Variants in SEMA5A observed in about 807,000 individuals in gnomAD.
SEMA5A encodes the protein semaphorin 5A, also known as semaphorin-5A.
SEMA5A carries 55 observed loss-of-function variants against 135.5 expected under a neutral mutation model. That is an observed-to-expected ratio of 0.41 (90% confidence interval 0.33 to 0.51). The LOEUF is 0.51. SEMA5A is among the 20% of genes least tolerant of loss of function. The probability of loss-of-function intolerance (pLI) is 0.37; values close to 1 mark genes in which losing one functional copy is unlikely to be tolerated. For synonymous variants in SEMA5A, 580 were observed against 546.5 expected, an observed-to-expected ratio of 1.06 and a Z score of -0.85; for missense variants, 1,290 against 1,419.9, an observed-to-expected ratio of 0.91 and a Z score of 1.47.
intron 1 of SEMA5A, among the ~76,000 whole-genome samples, chr5:9,457,343 T>C (rs1355316607): frequency 1.3e-5 from 2 of 152,212 alleles, no homozygotes; most frequent in Non-Finnish European, 2.9e-5. Context: ...GGATATGTAT[T>C]TCTGTTGTTT....
At chr5:9,177,134 G>C (rs1194705817) in intron 11 of SEMA5A, among the ~76,000 whole-genome samples, 2 of 152,294 alleles carry the variant, frequency 1.3e-5, no homozygotes, top group African/African-American at 4.8e-5. Flanking sequence ...AGGAGCAGGA[G>C]CAGCAGTGAT....
intron 2 of SEMA5A, among the ~76,000 whole-genome samples, chr5:9,382,283 G>A (rs535795770): frequency 6.6e-6 from 1 of 152,164 alleles, no homozygotes; most frequent in South Asian, 2.1e-4. Flanking sequence ...CTAGGCAACA[G>A]AGCAAGACTT....
intron 5 of SEMA5A, among the ~76,000 whole-genome samples, chr5:9,304,252 T>C (rs1246804131): frequency 3.3e-5 from 5 of 152,120 alleles, no homozygotes; most frequent in African/African-American, 1.2e-4. Context: ...TAATTAACAC[T>C]TTCTCTTTGT....
chr5:9,446,754 C>T (rs1279573365), intron 1 of SEMA5A, among the ~76,000 whole-genome samples: 1 of 152,168 alleles, frequency 6.6e-6, no homozygotes, highest in Non-Finnish European at 1.5e-5. Flanking sequence ...AGATTTAACT[C>T]TAGATCTAAA....
chr5:9,415,246 C>T (rs144785427), intron 2 of SEMA5A, among the ~76,000 whole-genome samples: 84 of 152,292 alleles, frequency 5.5e-4, no homozygotes, highest in African/African-American at 2.0e-3. Flanking sequence ...AAGGAAAAAG[C>T]CTTTGGCCAA....
intron 16 of SEMA5A, among the ~76,000 whole-genome samples, chr5:9,099,307 C>G (rs1739495364): frequency 1.3e-5 from 2 of 152,164 alleles, no homozygotes; most frequent in Non-Finnish European, 1.5e-5. Context: ...CCTTTAACAA[C>G]ATGTGGCATT....
At chr5:9,369,285 C>T (rs1755038513) in intron 3 of SEMA5A, among the ~76,000 whole-genome samples, 1 of 152,168 alleles carries the variant, frequency 6.6e-6, no homozygotes, top group African/African-American at 2.4e-5. Context: ...AATATTCCCA[C>T]ACAGTGTATG....
chr5:9,459,589 C>A (rs1758979597), intron 1 of SEMA5A, among the ~76,000 whole-genome samples: 1 of 152,188 alleles, frequency 6.6e-6, no homozygotes, highest in Admixed American at 6.5e-5. Context: ...GAGATCCAAG[C>A]CCCAGTCAAC....
At chr5:9,436,006 G>A (rs1175139844) in intron 2 of SEMA5A, among the ~76,000 whole-genome samples, 1 of 152,178 alleles carries the variant, frequency 6.6e-6, no homozygotes, top group Non-Finnish European at 1.5e-5. Flanking sequence ...CTAAAAGGCA[G>A]TTTTCTGTAA....
intron 5 of SEMA5A, among the ~76,000 whole-genome samples, chr5:9,246,463 C>T (rs1283773989): frequency 1.3e-5 from 2 of 152,134 alleles, no homozygotes; most frequent in African/African-American, 2.4e-5. Context: ...TTATATCTTA[C>T]ATCACATGGA....
Position 9,284,038 on chromosome 5 carries a change from T to C in SEMA5A, c.270+34334A>G, listed in dbSNP as rs1750673146. Among the ~76,000 whole-genome samples, 3 of 151,242 alleles carry C rather than the reference T, an allele frequency of 2.0e-5. No individual in the cohort carries two copies. In the South Asian group the frequency reaches 6.3e-4, roughly 32 times the overall value. ...TAGGCAGATGATAGATAACAGATGATAAATAAATATCAAATGATAGATAAC... is the reference window on the plus strand; with the variant it reads ...TAGGCAGATGATAGATAACAGATGACAAATAAATATCAAATGATAGATAAC... On this transcript the variant is annotated intron_variant, in intron 5 of 22. Coordinates refer to ENST00000382496, the MANE Select transcript of SEMA5A (RefSeq NM_003966.3).
At chr5:9,483,648 G>C (rs1421253945) in intron 1 of SEMA5A, among the ~76,000 whole-genome samples, 1 of 152,138 alleles carries the variant, frequency 6.6e-6, no homozygotes, top group Non-Finnish European at 1.5e-5. Flanking sequence ...CGGATCCTGA[G>C]TTTTACTTCC....
At chr5:9,276,574 C>T (rs1258165713) in intron 5 of SEMA5A, among the ~76,000 whole-genome samples, 3 of 152,096 alleles carry the variant, frequency 2.0e-5, no homozygotes, top group Admixed American at 6.6e-5. Flanking sequence ...TAATACAAGG[C>T]TACAGTAAAA....
intron 9 of SEMA5A, among the ~76,000 whole-genome samples, chr5:9,200,262 T>C (rs181233106): frequency 1.0e-3 from 158 of 152,344 alleles, no homozygotes; most frequent in African/African-American, 3.7e-3. Flanking sequence ...ACTAAACAAA[T>C]AGTCTAGAGT....
At chr5:9,235,827 G>C (rs538922799) in intron 6 of SEMA5A, among the ~76,000 whole-genome samples, 2 of 152,324 alleles carry the variant, frequency 1.3e-5, no homozygotes, top group Admixed American at 1.3e-4. Flanking sequence ...GAAAAAGCAA[G>C]AGGGAGAGCT....
intron 13 of SEMA5A, among the ~76,000 whole-genome samples, chr5:9,129,980 C>G (rs544598440): frequency 2.6e-5 from 4 of 152,288 alleles, no homozygotes; most frequent in African/African-American, 9.6e-5. Flanking sequence ...TTTGTAGATC[C>G]TTCTTTGGTG....
At chr5:9,478,150 G>A (rs1293177238) in intron 1 of SEMA5A, among the ~76,000 whole-genome samples, 1 of 152,202 alleles carries the variant, frequency 6.6e-6, no homozygotes, top group Non-Finnish European at 1.5e-5. Flanking sequence ...TCAGCCTTCA[G>A]GTGCACAGAA....
chr5:9,463,433 T>G (rs1239886411), intron 1 of SEMA5A, among the ~76,000 whole-genome samples: 1 of 152,140 alleles, frequency 6.6e-6, no homozygotes, highest in African/African-American at 2.4e-5. Context: ...AGTATTATTT[T>G]CCAGGCAAGT....
At chr5:9,372,626 G>A (rs1755186795) in intron 3 of SEMA5A, among the ~76,000 whole-genome samples, 1 of 151,934 alleles carries the variant, frequency 6.6e-6, no homozygotes, top group South Asian at 2.1e-4. Flanking sequence ...ATGTAGCTGT[G>A]GGAGACACAT....
Sources: gnomAD v4.1 joint callset for allele counts (sites outside exome capture counted in the v4.1 genomes callset) on GRCh38, gnomAD v4.1.1 for gene constraint, MANE v1.5 for transcripts, NCBI Gene and HGNC (gene_info 2026-07-23, HGNC 2026-07-21) for gene names.